Variants in ECD observed in about 807,000 individuals in gnomAD.
The protein encoded by ECD is ecdysoneless cell cycle regulator.
Under a neutral mutation model 77.2 loss-of-function variants are expected in ECD, and 59 were observed. That is an observed-to-expected ratio of 0.76 (90% CI 0.62 to 0.95). The LOEUF (loss-of-function observed/expected upper bound fraction) is 0.95, where lower values mean the gene tolerates loss of function less well. Among genes scored for constraint, ECD ranks in the 40% least tolerant of loss-of-function variants. The pLI is 0.00. For missense variants in ECD, 704 were observed against 763.4 expected, an observed-to-expected ratio of 0.92 and a Z score of 0.92; for synonymous variants, 233 against 267.4, an observed-to-expected ratio of 0.87 and a Z score of 1.26.
rs1843298262 is a variant in ECD at position 73,156,465 on chromosome 10, A to G, written c.412-12T>C. On this transcript the variant is annotated splice_polypyrimidine_tract_variant and intron_variant, in intron 4 of 13. Coordinates refer to ENST00000372979, the MANE Select transcript of ECD (RefSeq NM_007265.3). ...TGGCAGAAAAATACCTGCAAACGGT[A>G]CATTTCAATTTTCACAGTGGGCACT... The G allele has an allele frequency of 1.2e-6, 2 of 1,609,044 alleles. No individual in the cohort carries two copies. The highest frequency in any genetic ancestry group is 2.7e-5 in the African/African-American group (2 of 74,814).
chr10:73,156,696 A>G (rs1213428961), intron 3 of ECD, 41 bp from the exon 4 acceptor site: 11 of 1,557,868 alleles, frequency 7.1e-6, no homozygotes, highest in African/African-American at 4.1e-5. Flanking sequence ...CAAAAAGCAT[A>G]TATCTGCTAG....
rs771034766 is a variant in ECD, at chr10:73,156,303, G to T, written c.562C>A (p.Arg188=). The T allele has an allele frequency of 1.1e-5, 17 of 1,608,058 alleles. No homozygotes were observed. The highest frequency in any genetic ancestry group is 1.3e-5 in the African/African-American group (1 of 74,524). Residue 188 remains arginine (R), a synonymous_variant, in exon 5 of 14, where the codon CGA becomes AGA. Transcript: ENST00000372979. ...CTGATGCGCCTATTCACAGCAGCTC[G>T]TATAGATTCTGAAGCAAGTATTTTT... ...SEKILASESI[R]AAVNRRIRGY...
chr10:73,146,140 A>C, intron 9 of ECD, 136 bp downstream of exon 9: 1 of 278,170 alleles, frequency 3.6e-6, no homozygotes, highest in Non-Finnish European at 6.1e-6. Flanking sequence ...CAGGAGGCGG[A>C]GGTTGCCAGC....
At chr10:73,161,715 C>T (rs1453827180) in intron 2 of ECD, among the ~76,000 whole-genome samples, 1 of 152,162 alleles carries the variant, frequency 6.6e-6, no homozygotes, top group Non-Finnish European at 1.5e-5. Flanking sequence ...AATACCAAAG[C>T]CAGACAAAGA....
intron 9 of ECD, among the ~76,000 whole-genome samples, chr10:73,142,203 T>C (rs1843066621): frequency 6.6e-6 from 1 of 151,528 alleles, no homozygotes; most frequent in African/African-American, 2.4e-5. Context: ...GAGATGGGGT[T>C]TCACCATGTT....
chr10:73,148,446 T>A, intron 7 of ECD, 42 bp from the exon 8 acceptor site: 1 of 1,600,250 alleles, frequency 6.2e-7, no homozygotes, highest in Non-Finnish European at 8.5e-7. Context: ...AGTTCCTTTT[T>A]TCCCGTATCT....
rs537134133 is a variant in ECD, at chr10:73,138,492, A to C, written c.1422-422T>G. On this transcript the variant is annotated intron_variant, in intron 11 of 13. Transcript: ENST00000372979. ...TCTTAAAGAGAGAATACCAAATATA[A>C]ATTTATATCTTTCATCAGGTTCAAG... is the stretch of plus-strand genomic sequence containing the variant. Among the ~76,000 whole-genome samples the C allele has an allele frequency of 7.9e-5, 12 of 152,326 alleles. No homozygotes were observed. In the South Asian group the frequency reaches 2.5e-3, roughly 32 times the overall value.
At chr10:73,151,600 A>C (rs1843208439) in intron 7 of ECD, among the ~76,000 whole-genome samples, 1 of 152,172 alleles carries the variant, frequency 6.6e-6, no homozygotes. Flanking sequence ...CAAACAAAAA[A>C]AAAAGAAAAA....
chr10:73,139,581 T>C, intron 10 of ECD, 50 bp downstream of exon 10: 1 of 1,586,200 alleles, frequency 6.3e-7, no homozygotes, highest in Non-Finnish European at 8.5e-7. Context: ...AGTAGAACAT[T>C]TTAATTTTTT....
intron 1 of ECD, among the ~76,000 whole-genome samples, chr10:73,164,311 C>G (rs1843421555): frequency 6.6e-6 from 1 of 151,194 alleles, no homozygotes; most frequent in Admixed American, 6.6e-5. Context: ...GAGATCATGC[C>G]ACTGCACTCC....
intron 8 of ECD, among the ~76,000 whole-genome samples, chr10:73,146,589 G>A (rs1843131940): frequency 6.6e-6 from 1 of 152,036 alleles, no homozygotes; most frequent in Non-Finnish European, 1.5e-5. Context: ...ACCATTAAGG[G>A]CCTATTTCCA....
chr10:73,154,598 C>A, intron 5 of ECD, 150 bp from the exon 6 acceptor site: 1 of 612,936 alleles, frequency 1.6e-6, no homozygotes. Flanking sequence ...TGTATATACA[C>A]TTAAGAATAT....
At chr10:73,164,003 T>C in intron 1 of ECD, 53 bp from the exon 2 acceptor site, 1 of 1,496,896 alleles carries the variant, frequency 6.7e-7, no homozygotes, top group Non-Finnish European at 9.2e-7. Flanking sequence ...AGAAGTAACA[T>C]CTGAACTCTT....
chr10:73,159,195 T>C (rs1187109748), intron 3 of ECD, among the ~76,000 whole-genome samples: 2 of 152,264 alleles, frequency 1.3e-5, no homozygotes, highest in Non-Finnish European at 2.9e-5. Flanking sequence ...ATTTGGGTGC[T>C]GACTAGGAAA....
chr10:73,157,583 G>A (rs997547409), intron 3 of ECD, among the ~76,000 whole-genome samples: 72 of 151,306 alleles, frequency 4.8e-4, no homozygotes, highest in Non-Finnish European at 3.8e-4. Flanking sequence ...TCAGCCAGGC[G>A]TGGTGGCCCA....
Position 73,139,487 on chromosome 10 carries a change from A to G in ECD, c.1243T>C (p.Trp415Arg). 2 of 1,612,654 alleles carry G rather than the reference A, an allele frequency of 1.2e-6. No homozygotes were observed. The highest frequency in any genetic ancestry group is 1.7e-6 in the Non-Finnish European group (2 of 1,179,604). Residue 415 changes from tryptophan (W) to arginine (R), a missense_variant, in exon 11 of 14, where the codon TGG becomes CGG. Trp to Arg is a moderately radical substitution (Grantham distance 101). Transcript: ENST00000372979. ...ANLPPEDDDQ[W>R]LDLSPDQLDQ... ...AGCTGATCTGGTGAGAGATCTAACC[A>G]CTGGTCATCTGAAAAAGAAGAAAGC...
intron 9 of ECD, among the ~76,000 whole-genome samples, chr10:73,143,651 T>A (rs12254672): frequency 0.1 from 15,913 of 152,040 alleles, 1,218 homozygotes; most frequent in East Asian, 0.3. Context: ...GAATGGGGTA[T>A]CCATCCTCTC....
At chr10:73,142,308 CTATT>C (rs1427011028) in intron 9 of ECD, among the ~76,000 whole-genome samples, 19 of 151,834 alleles carry the variant, frequency 1.3e-4, no homozygotes, top group Non-Finnish European at 1.8e-4. Context: ...TGTGCCCGGC[CTATT>C]TGTTTATTTT....
chr10:73,139,178 G>C, intron 11 of ECD, 131 bp downstream of exon 11: 1 of 845,058 alleles, frequency 1.2e-6, no homozygotes, highest in Non-Finnish European at 1.7e-6. Context: ...CACTATACTA[G>C]GCACAAAAAA....
Sources: allele counts gnomAD v4.1 joint callset (sites outside exome capture counted in the v4.1 genomes callset), GRCh38; gene constraint gnomAD v4.1.1; transcripts MANE v1.5; gene names NCBI Gene and HGNC (gene_info 2026-07-23, HGNC 2026-07-21).